The following GOSR2 variants were observed in gnomAD, a reference collection of about 807,000 sequenced individuals.
The protein encoded by GOSR2 is 27 kDa Golgi SNARE protein.
In GOSR2, 20 loss-of-function variants were observed where a neutral mutation model predicts 27.9. The observed-to-expected ratio is 0.72, with a 90% CI of 0.50 to 1.04. The LOEUF is 1.04. Ranked by LOEUF, GOSR2 falls within the 50% of genes least tolerant of loss-of-function variation. The probability of loss-of-function intolerance (pLI) is 0.00; values close to 1 mark genes in which losing one functional copy is unlikely to be tolerated. For synonymous variants in GOSR2, 91 were observed against 98.8 expected (o/e 0.92, Z 0.47); for missense variants, 261 against 270.5 (o/e 0.97, Z 0.25).
downstream of GOSR2, among the ~76,000 whole-genome samples, chr17:46,944,817 C>G: frequency 6.6e-6 from 1 of 152,072 alleles, no homozygotes; most frequent in Admixed American, 6.5e-5. Flanking sequence ...GCAGGCTGGT[C>G]TCGAACTCCT....
chr17:46,961,245 G>T (rs1037272827), intron 6 of GOSR2, among the ~76,000 whole-genome samples: 5 of 152,136 alleles, frequency 3.3e-5, no homozygotes, highest in African/African-American at 1.2e-4. Flanking sequence ...AACTAGTAGA[G>T]ACTATGAAAG....
intron 6 of GOSR2, among the ~76,000 whole-genome samples, chr17:46,947,655 C>T (rs1181623684): frequency 6.6e-6 from 1 of 152,198 alleles, no homozygotes; most frequent in Non-Finnish European, 1.5e-5. Flanking sequence ...AGCAGCCTGA[C>T]CTTGGGCTAA....
chr17:46,966,328 G>T (rs954605041), intron 6 of GOSR2, among the ~76,000 whole-genome samples: 7 of 152,154 alleles, frequency 4.6e-5, no homozygotes, highest in Non-Finnish European at 7.3e-5. Context: ...GTGTTGCCCA[G>T]GGTGCAGTGC....
chr17:46,938,241 A>G (rs779161701), intron 5 of GOSR2, among the ~76,000 whole-genome samples: 2 of 152,132 alleles, frequency 1.3e-5, no homozygotes, highest in Non-Finnish European at 2.9e-5. Flanking sequence ...GTTTAATTCT[A>G]TGAACCATCT....
At chr17:46,923,505 G>C in intron 1 of GOSR2, 1 of 1,381,200 alleles carries the variant, frequency 7.2e-7, no homozygotes, top group Non-Finnish European at 9.3e-7. Flanking sequence ...ACTGGCACCT[G>C]CAGGTTATAA....
chr17:46,950,830 G>GGGCCAGAA (rs1425557453), intron 6 of GOSR2, among the ~76,000 whole-genome samples: 36 of 152,318 alleles, frequency 2.4e-4, no homozygotes, highest in African/African-American at 8.4e-4. Context: ...AGGAAAAGCG[G>GGGCCAGAA]GGCCAGAAGT....
At chr17:46,923,619 A>G (rs2086031940) in intron 1 of GOSR2, 10 of 1,245,030 alleles carry the variant, frequency 8.0e-6, no homozygotes, top group African/African-American at 1.5e-5. Flanking sequence ...GTACTGTTTA[A>G]TTGGAGAGTC....
chr17:46,949,638 A>G (rs183501566), intron 6 of GOSR2, among the ~76,000 whole-genome samples: 5 of 152,354 alleles, frequency 3.3e-5, no homozygotes, highest in African/African-American at 1.2e-4. Flanking sequence ...GCATGCAGCA[A>G]TAAAGTGCAC....
intron 6 of GOSR2, among the ~76,000 whole-genome samples, chr17:46,956,832 G>A (rs1294837801): frequency 3.3e-5 from 5 of 152,116 alleles, no homozygotes; most frequent in Admixed American, 1.3e-4. Flanking sequence ...CCTCACTCCC[G>A]CCCCAAGACT....
At chr17:46,961,925 A>G (rs2091075250) in intron 6 of GOSR2, among the ~76,000 whole-genome samples, 1 of 152,240 alleles carries the variant, frequency 6.6e-6, no homozygotes, top group African/African-American at 2.4e-5. Flanking sequence ...CTGACCAATG[A>G]TTCCAAATCA....
chr17:46,964,375 G>GT (rs1238672021), intron 6 of GOSR2: 1 of 152,228 alleles, frequency 6.6e-6, no homozygotes, highest in Non-Finnish European at 1.5e-5. Context: ...TCTGATGGAG[G>GT]TGATCTGAGA....
chr17:46,966,200 C>G (rs371607894), intron 6 of GOSR2, among the ~76,000 whole-genome samples: 4 of 152,198 alleles, frequency 2.6e-5, no homozygotes, highest in African/African-American at 9.6e-5. Flanking sequence ...CCATCAACAT[C>G]TCAAATAATG....
chr17:46,969,505 A>G (rs1206000407), downstream of GOSR2, among the ~76,000 whole-genome samples: 1 of 152,172 alleles, frequency 6.6e-6, no homozygotes, highest in East Asian at 1.9e-4. Context: ...GAGGGGCCAG[A>G]GTTGCTTTCT....
At position 46,941,042 on chromosome 17, in the gene GOSR2, C is replaced by G. The variant is rs1056448481; in HGVS notation, c.*2282C>G. The stretch of plus-strand genomic sequence containing the variant: ...GGTGAATTCTTAGGTCGAGCTGATG[C>G]AAGAAACTCCGGTAGCCAGCCTCTG... On this transcript the variant is annotated 3_prime_UTR_variant, in exon 6 of 6. Coordinates refer to ENST00000640051, the MANE Select transcript of GOSR2 (RefSeq NM_004287.5). 3.8e-5 allele frequency: 41 copies of G among 1,086,994 alleles called. No homozygotes were observed. The highest frequency in any genetic ancestry group is 9.2e-5 in the Admixed American group (2 of 21,740). 67.3% of individuals were successfully genotyped at this position (1,086,994 alleles called of 1,614,324 possible). A position where few individuals can be genotyped will look rare whatever the true frequency, so the allele number is the denominator to read the frequency against.
downstream of GOSR2, among the ~76,000 whole-genome samples, chr17:46,942,245 G>A (rs974773008): frequency 6.6e-6 from 1 of 152,192 alleles, no homozygotes; most frequent in African/African-American, 2.4e-5. Flanking sequence ...TCAACCGGGG[G>A]GTGACATTTT....
downstream of GOSR2, among the ~76,000 whole-genome samples, chr17:46,946,109 TGTC>T (rs1189315207): frequency 6.6e-6 from 1 of 152,022 alleles, no homozygotes; most frequent in East Asian, 1.9e-4. Flanking sequence ...ATCAATTCTC[TGTC>T]GTCACTCACT....
intron 6 of GOSR2, among the ~76,000 whole-genome samples, chr17:46,955,164 G>C (rs1402484290): frequency 6.6e-6 from 1 of 151,894 alleles, no homozygotes; most frequent in Middle Eastern, 3.4e-3. Context: ...GTCATAGATA[G>C]CTCTTATTAT....
chr17:46,931,795 C>T (rs1345270000), intron 3 of GOSR2: 2 of 525,914 alleles, frequency 3.8e-6, no homozygotes, highest in Non-Finnish European at 6.9e-6. Flanking sequence ...GCTTCCTGTC[C>T]CCTGTTCTCT....
rs1172430630 is a variant in GOSR2, at chr17:46,939,932, G to A, written c.*1172G>A. The stretch of plus-strand genomic sequence containing the variant: ...TAGTGTATGTTCTCATTTACCACAG[G>A]CCTACCAGCCCTGGGCACAGCAGCT... On this transcript the variant is annotated 3_prime_UTR_variant, in exon 6 of 6. Transcript: ENST00000640051. 3.0e-6 allele frequency: 3 copies of A among 1,001,144 alleles called. No individual in the cohort carries two copies. Among genetic ancestry groups the A allele is most frequent in the East Asian group, 1.0e-4 (1 of 9,974 alleles). 62.0% of individuals were successfully genotyped at this position (1,001,144 alleles called of 1,614,324 possible).
Sources: allele counts gnomAD v4.1 joint callset (sites outside exome capture counted in the v4.1 genomes callset), GRCh38; gene constraint gnomAD v4.1.1; transcripts MANE v1.5; gene names NCBI Gene and HGNC (gene_info 2026-07-23, HGNC 2026-07-21).